The following ITSN1 variants were observed in gnomAD, a reference collection of about 807,000 sequenced individuals.
The protein encoded by ITSN1 is intersectin-1.
In ITSN1, 58 loss-of-function variants were observed where a neutral mutation model predicts 239.8. The ratio of observed to expected loss-of-function variants is 0.24; its 90% confidence interval spans 0.20 to 0.30. The LOEUF is 0.30. ITSN1 is among the 10% of genes least tolerant of loss of function. The pLI, the probability that ITSN1 is intolerant of heterozygous loss-of-function variation, is 1.00. For missense variants in ITSN1, 1,558 were observed against 2,103.3 expected, an observed-to-expected ratio of 0.74 and a Z score of 5.07; for synonymous variants, 780 against 770.8, an observed-to-expected ratio of 1.01 and a Z score of -0.20.
intron 37 of ITSN1, 43 bp downstream of exon 37, chr21:33,885,166 AG>A (rs1325019124): frequency 6.6e-7 from 1 of 1,511,610 alleles, no homozygotes; most frequent in African/African-American, 1.4e-5. Context: ...GCTGGGCAGG[AG>A]GGAGGGCCAT....
intron 8 of ITSN1, 103 bp from the exon 9 acceptor site, chr21:33,761,820 T>G: frequency 1.3e-6 from 1 of 772,662 alleles, no homozygotes; most frequent in East Asian, 2.4e-5. Context: ...GCATTGTGAT[T>G]GCATGAGGTC....
intron 16 of ITSN1, among the ~76,000 whole-genome samples, chr21:33,783,298 T>G (rs2070356548): frequency 1.3e-5 from 2 of 151,928 alleles, no homozygotes; most frequent in Admixed American, 1.3e-4. Context: ...TTTGAAACTT[T>G]TATAATAGTT....
chr21:33,674,986 T>A (rs1009216537), intron 1 of ITSN1, among the ~76,000 whole-genome samples: 1 of 152,142 alleles, frequency 6.6e-6, no homozygotes, highest in African/African-American at 2.4e-5. Context: ...TAAAGGACAC[T>A]CACTCTTTCC....
chr21:33,860,951 AG>A (rs1198264631), intron 31 of ITSN1, among the ~76,000 whole-genome samples: 2 of 152,264 alleles, frequency 1.3e-5, no homozygotes, highest in Middle Eastern at 3.4e-3. Flanking sequence ...TGATGTGTAC[AG>A]GGGCTGCTGG....
chr21:33,727,964 G>A (rs891537832), intron 4 of ITSN1, among the ~76,000 whole-genome samples: 25 of 150,004 alleles, frequency 1.7e-4, no homozygotes, highest in African/African-American at 6.0e-4. Flanking sequence ...AACAGCAGCT[G>A]GAATTTTTTT....
At chr21:33,731,248 C>T (rs2066166657) in intron 4 of ITSN1, among the ~76,000 whole-genome samples, 2 of 152,156 alleles carry the variant, frequency 1.3e-5, no homozygotes, top group East Asian at 3.9e-4. Context: ...CCCTAACCTA[C>T]TCATTATCCC....
chr21:33,856,649 A>G lies in ITSN1; in HGVS notation c.3662-87A>G, dbSNP rs9305535. 1,082,018 of 1,587,840 alleles carry G rather than the reference A, an allele frequency of 0.68. 374,768 individuals are homozygous for G. The highest frequency in any genetic ancestry group is 0.92 in the East Asian group (41,291 of 44,666). On this transcript the variant is annotated intron_variant, in intron 29 of 39. Coordinates refer to ENST00000381318, the MANE Select transcript of ITSN1 (RefSeq NM_003024.3). ...CACTGGACTGGAGCAAGCCCTCAGG[A>G]CCCAGCAGCCACGAGGATCTTCCGT...
chr21:33,886,505 T>A, intron 39 of ITSN1, 45 bp downstream of exon 39: 1 of 1,469,606 alleles, frequency 6.8e-7, no homozygotes, highest in Non-Finnish European at 9.1e-7. Context: ...TCCCTGGCAC[T>A]CGTTTGCGTG....
At chr21:33,822,331 C>CGAG (rs2073731347) in intron 24 of ITSN1, among the ~76,000 whole-genome samples, 1 of 152,150 alleles carries the variant, frequency 6.6e-6, no homozygotes, top group African/African-American at 2.4e-5. Flanking sequence ...TTACTCAACA[C>CGAG]GAGGCTCGAC....
intron 8 of ITSN1, among the ~76,000 whole-genome samples, chr21:33,760,962 A>G (rs2068274593): frequency 6.6e-6 from 1 of 151,912 alleles, no homozygotes; most frequent in South Asian, 2.1e-4. Flanking sequence ...TCATACCAGA[A>G]GTGAAGATGT....
intron 31 of ITSN1, among the ~76,000 whole-genome samples, chr21:33,864,605 C>A (rs1322957099): frequency 3.9e-5 from 6 of 152,204 alleles, no homozygotes; most frequent in African/African-American, 1.2e-4. Flanking sequence ...GTTAACTCAG[C>A]TCTAGCAATG....
intron 5 of ITSN1, chr21:33,735,418 G>C: frequency 1.6e-6 from 1 of 616,338 alleles, no homozygotes; most frequent in South Asian, 1.8e-5. Context: ...AATGAAAGCA[G>C]AGATGCAGGC....
At chr21:33,678,498 T>C (rs976667018) in intron 1 of ITSN1, among the ~76,000 whole-genome samples, 2 of 152,180 alleles carry the variant, frequency 1.3e-5, no homozygotes, top group Admixed American at 1.3e-4. Flanking sequence ...ACATTTGTGG[T>C]AAGTACTAGG....
chr21:33,713,399 C>G (rs2092471493), intron 1 of ITSN1, among the ~76,000 whole-genome samples: 2 of 152,050 alleles, frequency 1.3e-5, no homozygotes, highest in Admixed American at 6.6e-5. Flanking sequence ...GCCACCACGC[C>G]TGGCTAATTT....
intron 37 of ITSN1, 50 bp from the exon 38 acceptor site, chr21:33,885,389 A>G (rs1461867210): frequency 6.7e-7 from 1 of 1,503,338 alleles, no homozygotes; most frequent in South Asian, 1.1e-5. Flanking sequence ...GAGATGGGAA[A>G]GGTGTGGCAC....
intron 20 of ITSN1, among the ~76,000 whole-genome samples, chr21:33,805,383 C>A (rs1481745872): frequency 6.6e-6 from 1 of 152,136 alleles, no homozygotes; most frequent in African/African-American, 2.4e-5. Flanking sequence ...GCCAACAATA[C>A]CTTTTTCCTC....
intron 39 of ITSN1, among the ~76,000 whole-genome samples, chr21:33,887,342 A>G (rs149737701): frequency 6.6e-6 from 1 of 152,068 alleles, no homozygotes; most frequent in African/African-American, 2.4e-5. Context: ...ATCACAGAGT[A>G]AGTTAAAAGA....
intron 18 of ITSN1, among the ~76,000 whole-genome samples, chr21:33,798,100 C>T (rs992387294): frequency 2.0e-5 from 3 of 151,892 alleles, no homozygotes; most frequent in Admixed American, 2.0e-4. Context: ...CTTCTCTTTC[C>T]TTTTCTTTTT....
intron 16 of ITSN1, among the ~76,000 whole-genome samples, chr21:33,788,452 C>T (rs932514328): frequency 6.6e-6 from 1 of 152,174 alleles, no homozygotes; most frequent in African/African-American, 2.4e-5. Flanking sequence ...CCAGTCAGGC[C>T]AGGTGCAGTG....
Sources: gnomAD v4.1 joint callset for allele counts (sites outside exome capture counted in the v4.1 genomes callset) on GRCh38, gnomAD v4.1.1 for gene constraint, MANE v1.5 for transcripts, NCBI Gene and HGNC (gene_info 2026-07-23, HGNC 2026-07-21) for gene names.